Variants in HSPA4L observed in about 807,000 individuals in gnomAD.
The protein encoded by HSPA4L is heat shock 70 kDa protein 4L.
In HSPA4L, 48 loss-of-function variants were observed where a neutral mutation model predicts 100.3. That is an observed-to-expected ratio of 0.48 (90% CI 0.38 to 0.61). The LOEUF (loss-of-function observed/expected upper bound fraction) is 0.61, where lower values mean the gene tolerates loss of function less well. Ranked by LOEUF, HSPA4L falls within the 20% of genes least tolerant of loss-of-function variation. The pLI is 0.00. For missense variants in HSPA4L, 886 were observed against 988.6 expected (o/e 0.90, Z 1.39); for synonymous variants, 319 against 328.2 (o/e 0.97, Z 0.30).
intron 1 of HSPA4L, among the ~76,000 whole-genome samples, chr4:127,784,572 G>C (rs968487735): frequency 1.3e-5 from 2 of 152,214 alleles, no homozygotes; most frequent in Non-Finnish European, 2.9e-5. Flanking sequence ...AAAAGTGAAA[G>C]GATATTCTCA....
At chr4:127,832,537 T>C in intron 18 of HSPA4L, 146 bp from the exon 19 acceptor site, 1 of 650,648 alleles carries the variant, frequency 1.5e-6, no homozygotes, top group Non-Finnish European at 2.6e-6. Flanking sequence ...CATGAGGCAT[T>C]TGAAGAAAAC....
At chr4:127,801,763 A>G in intron 5 of HSPA4L, 22 bp from the exon 6 acceptor site, 2 of 1,572,752 alleles carry the variant, frequency 1.3e-6, no homozygotes, top group Non-Finnish European at 1.7e-6. Context: ...TAGAATTAAC[A>G]TAATTCTTTG....
At chr4:127,808,256 C>T in intron 11 of HSPA4L, 127 bp downstream of exon 11, 1 of 751,924 alleles carries the variant, frequency 1.3e-6, no homozygotes, top group Non-Finnish European at 2.1e-6. Flanking sequence ...GATATTTATA[C>T]TCTTTCTAGA....
intron 3 of HSPA4L, among the ~76,000 whole-genome samples, chr4:127,796,220 A>C (rs1272027712): frequency 6.6e-6 from 1 of 152,170 alleles, no homozygotes; most frequent in Non-Finnish European, 1.5e-5. Context: ...ATTCAGAAGA[A>C]TGGACCCAAA....
chr4:127,824,536 CAG>C (rs1161967344), intron 16 of HSPA4L, among the ~76,000 whole-genome samples: 4 of 152,174 alleles, frequency 2.6e-5, no homozygotes, highest in Admixed American at 6.5e-5. Flanking sequence ...TATAGATGAT[CAG>C]AGTGTTACTT....
At chr4:127,804,591 G>A (rs977123070) in intron 8 of HSPA4L, among the ~76,000 whole-genome samples, 4 of 146,826 alleles carry the variant, frequency 2.7e-5, no homozygotes, top group Non-Finnish European at 4.5e-5. Flanking sequence ...GGGCAACAGA[G>A]TGAGACTCTG....
At chr4:127,798,217 G>A (rs953496700) in intron 3 of HSPA4L, among the ~76,000 whole-genome samples, 2 of 152,008 alleles carry the variant, frequency 1.3e-5, no homozygotes, top group African/African-American at 2.4e-5. Flanking sequence ...TTAAACCCAG[G>A]GAGAGTTCTG....
Position 127,838,799 on chromosome 4 carries a change from T to G in HSPA4L, c.*5925T>G, listed in dbSNP as rs967879174. ...TTATTTTTTATTATCCTTTAGATCT[T>G]TTTGTTCATGGCTCTTTAAAAATAG... On this transcript the variant is annotated 3_prime_UTR_variant, in exon 19 of 19. Transcript: ENST00000296464. The G allele has an allele frequency of 6.6e-6, 1 of 152,230 alleles. No homozygotes were observed. Among genetic ancestry groups the G allele is most frequent in the Non-Finnish European group, 1.5e-5 (1 of 68,020 alleles). 9.4% of individuals were successfully genotyped at this position (152,230 alleles called of 1,614,324 possible).
chr4:127,805,599 G>T, intron 9 of HSPA4L, 88 bp from the exon 10 acceptor site: 1 of 917,608 alleles, frequency 1.1e-6, no homozygotes, highest in Non-Finnish European at 1.6e-6. Flanking sequence ...AGTTGTAATA[G>T]GAGGACTCTA....
chr4:127,808,407 C>CTT (rs1227839511), intron 11 of HSPA4L, among the ~76,000 whole-genome samples: 1 of 151,322 alleles, frequency 6.6e-6, no homozygotes, highest in Non-Finnish European at 1.5e-5. Flanking sequence ...CATGCCTAGA[C>CTT]TTTTTTTTTC....
chr4:127,820,052 G>A (rs1215186440), intron 13 of HSPA4L, among the ~76,000 whole-genome samples: 1 of 152,000 alleles, frequency 6.6e-6, no homozygotes, highest in African/African-American at 2.4e-5. Flanking sequence ...TTGTCATCTT[G>A]AACATTTTGA....
In HSPA4L at chr4:127,801,814, G is replaced by C. The variant is rs1017636201; in HGVS notation, c.559G>C (p.Asp187His). The change falls in exon 6 of 19, where the codon GAT (aspartate) becomes CAT (histidine). Residue 187 changes from aspartate (D) to histidine (H), a missense_variant. Transcript: ENST00000296464. ...ACTGGCGTATGGAATTTATAAACAG[G>C]ATCTTCCCCCATTAGATGAGAAACC... ...VALAYGIYKQ[D>H]LPPLDEKPRN... The C allele has an allele frequency of 6.2e-7, 1 of 1,609,644 alleles. No homozygotes were observed. Among genetic ancestry groups the C allele is most frequent in the East Asian group, 2.2e-5 (1 of 44,786 alleles).
Position 127,801,918 on chromosome 4 carries a change from AGTAAGTAAACACATG to A in HSPA4L, c.663+3_663+17del. Reference sequence around the variant, plus strand: ...GTGCTTTTAACAAAGGAAAACTTAAAGTAAGTAAACACATGGTTTGTTATATTTACATATGTTAAG... The same window carrying A: ...GTGCTTTTAACAAAGGAAAACTTAAAGTTTGTTATATTTACATATGTTAAG... On this transcript the variant is annotated splice_donor_variant and splice_donor_5th_base_variant and intron_variant, in intron 6 of 18. Transcript: ENST00000296464. LOFTEE classifies it high-confidence loss of function. 1 of 1,595,456 alleles carries A rather than the reference AGTAAGTAAACACATG, an allele frequency of 6.3e-7. No individual in the cohort carries two copies. The highest frequency in any genetic ancestry group is 8.5e-7 in the Non-Finnish European group (1 of 1,170,728).
At chr4:127,819,376 A>G (rs1242993888) in intron 13 of HSPA4L, among the ~76,000 whole-genome samples, 1 of 152,146 alleles carries the variant, frequency 6.6e-6, no homozygotes, top group African/African-American at 2.4e-5. Flanking sequence ...GGTTAGCCAA[A>G]TAGATTCATT....
rs1732580073 is a variant in HSPA4L at position 127,782,349 on chromosome 4, G to A, written c.-202G>A. ...TAGGGAAAGACCCAGGCTGCGGGACGCGGTGCAGGCTGCGGCGCTGACGGC... is the reference window on the plus strand; with the variant it reads ...TAGGGAAAGACCCAGGCTGCGGGACACGGTGCAGGCTGCGGCGCTGACGGC... On this transcript the variant is annotated 5_prime_UTR_variant, in exon 1 of 19. Transcript: ENST00000296464. 1 of 558,574 alleles carries A rather than the reference G, an allele frequency of 1.8e-6. No homozygotes were observed. Among genetic ancestry groups the A allele is most frequent in the Non-Finnish European group, 3.2e-6 (1 of 312,930 alleles). 34.6% of individuals were successfully genotyped at this position (558,574 alleles called of 1,614,324 possible).
intron 9 of HSPA4L, among the ~76,000 whole-genome samples, 180 bp downstream of exon 9, chr4:127,805,404 CAG>C: frequency 6.6e-6 from 1 of 152,220 alleles, no homozygotes; most frequent in South Asian, 2.1e-4. Flanking sequence ...TATAATAGGA[CAG>C]TGTGTCTGTA....
chr4:127,826,242 T>C (rs1361613799), intron 16 of HSPA4L, among the ~76,000 whole-genome samples: 2 of 151,994 alleles, frequency 1.3e-5, no homozygotes, highest in East Asian at 3.9e-4. Context: ...ACCCCATCTC[T>C]ACAAAAAAAT....
At chr4:127,807,898 A>C (rs1054963635) in intron 10 of HSPA4L, 98 bp from the exon 11 acceptor site, 11 of 1,156,500 alleles carry the variant, frequency 9.5e-6, no homozygotes, top group Non-Finnish European at 1.2e-5. Context: ...AGATTTTTGC[A>C]GTTGCTGCTA....
Position 127,795,860 on chromosome 4 carries a change from G to C in HSPA4L, c.258G>C (p.Arg86Ser). ...CCATTGTGCAAACTGAAAGGATCAG[G>C]CTTCCCTATGAACTGCAGAAAATGC... Reference protein sequence around the residue: ...DDPIVQTERIRLPYELQKMPN... With the variant: ...DDPIVQTERISLPYELQKMPN... The change falls in exon 3 of 19, where the codon AGG becomes AGC. Residue 86 changes from arginine (R) to serine (S), a missense_variant. Physicochemically the swap from Arg to Ser is moderately radical, Grantham distance 110. Coordinates refer to ENST00000296464, the MANE Select transcript of HSPA4L (RefSeq NM_014278.4). 1 of 1,613,698 alleles carries C rather than the reference G, an allele frequency of 6.2e-7. No homozygotes were observed. The highest frequency in any genetic ancestry group is 2.2e-5 in the East Asian group (1 of 44,850).
Sources: gnomAD v4.1 joint callset for allele counts (sites outside exome capture counted in the v4.1 genomes callset) on GRCh38, gnomAD v4.1.1 for gene constraint, MANE v1.5 for transcripts, NCBI Gene and HGNC (gene_info 2026-07-23, HGNC 2026-07-21) for gene names.